LDB2: variants seen among roughly 807,000 people sequenced by gnomAD.
The protein encoded by LDB2 is LIM domain-binding protein 2.
Under a neutral mutation model 44.3 loss-of-function variants are expected in LDB2, and 12 were observed. The observed-to-expected ratio is 0.27, with a 90% CI of 0.17 to 0.44. The LOEUF (loss-of-function observed/expected upper bound fraction) is 0.44. LDB2 is among the 20% of genes least tolerant of loss of function. The pLI is 1.00. For missense variants in LDB2, 344 were observed against 473.5 expected, an observed-to-expected ratio of 0.73 and a Z score of 2.54; for synonymous variants, 164 against 174.8, an observed-to-expected ratio of 0.94 and a Z score of 0.49.
chr4:16,668,920 C>T, intron 2 of LDB2, among the ~76,000 whole-genome samples: 1 of 152,172 alleles, frequency 6.6e-6, no homozygotes, highest in Non-Finnish European at 1.5e-5. Context: ...AAAAGAGCTT[C>T]TCTTTTCCAA....
chr4:16,872,435 T>A (rs1716978485), intron 1 of LDB2, among the ~76,000 whole-genome samples: 1 of 152,212 alleles, frequency 6.6e-6, no homozygotes, highest in African/African-American at 2.4e-5. Context: ...AAATACTACT[T>A]AATGCTATGG....
intron 1 of LDB2, among the ~76,000 whole-genome samples, chr4:16,894,764 C>T (rs1219491153): frequency 6.6e-6 from 1 of 152,120 alleles, no homozygotes; most frequent in Non-Finnish European, 1.5e-5. Flanking sequence ...TTCAAATTCT[C>T]TCCTTTTGTC....
intron 2 of LDB2, among the ~76,000 whole-genome samples, chr4:16,734,818 C>A (rs1761538712): frequency 6.6e-6 from 1 of 151,604 alleles, no homozygotes. Context: ...AAGCGATTCT[C>A]CTGCCTCAGC....
chr4:16,517,841 A>G (rs1724376277), intron 5 of LDB2, among the ~76,000 whole-genome samples: 2 of 152,062 alleles, frequency 1.3e-5, no homozygotes. Context: ...ACCCTTTGGT[A>G]TGAAATTTTG....
intron 2 of LDB2, among the ~76,000 whole-genome samples, chr4:16,663,492 T>C (rs915018325): frequency 2.6e-5 from 4 of 152,198 alleles, no homozygotes; most frequent in African/African-American, 9.7e-5. Context: ...ATCAGTTTCA[T>C]AGATGTAAAT....
chr4:16,525,591 C>T (rs932867171), intron 5 of LDB2, among the ~76,000 whole-genome samples: 6 of 152,170 alleles, frequency 3.9e-5, no homozygotes, highest in Non-Finnish European at 8.8e-5. Flanking sequence ...CATTCAACAC[C>T]TACTTACTGA....
intron 2 of LDB2, among the ~76,000 whole-genome samples, chr4:16,690,472 A>AGGAG (rs1750378613): frequency 2.2e-5 from 1 of 44,700 alleles, no homozygotes; most frequent in Non-Finnish European, 4.2e-5. Context: ...GAAGGAAGGA[A>AGGAG]GGAAGGAAGG....
At chr4:16,655,222 G>A (rs1352419172) in intron 2 of LDB2, among the ~76,000 whole-genome samples, 1 of 152,192 alleles carries the variant, frequency 6.6e-6, no homozygotes, top group Non-Finnish European at 1.5e-5. Flanking sequence ...GGGGGACAGA[G>A]AGGCCAAGAG....
intron 1 of LDB2, among the ~76,000 whole-genome samples, chr4:16,845,012 G>A (rs755835815): frequency 1.3e-5 from 2 of 152,176 alleles, no homozygotes; most frequent in Non-Finnish European, 2.9e-5. Flanking sequence ...TGCCCACTGG[G>A]GGAAAGTTCA....
intron 2 of LDB2, among the ~76,000 whole-genome samples, chr4:16,659,584 GA>G (rs202030374): frequency 7.7e-4 from 110 of 142,470 alleles, no homozygotes; most frequent in Non-Finnish European, 1.2e-3. Flanking sequence ...ACTCCTAAAG[GA>G]AAAAAAATCT....
At chr4:16,627,967 A>T (rs1730765692) in intron 2 of LDB2, among the ~76,000 whole-genome samples, 1 of 152,186 alleles carries the variant, frequency 6.6e-6, no homozygotes, top group South Asian at 2.1e-4. Flanking sequence ...CATGGGGTTT[A>T]TGAGTCAAAT....
At chr4:16,661,761 G>T (rs779130215) in intron 2 of LDB2, among the ~76,000 whole-genome samples, 3 of 152,156 alleles carry the variant, frequency 2.0e-5, no homozygotes, top group Non-Finnish European at 4.4e-5. Context: ...AAAATCACAT[G>T]CAACTGAAGA....
chr4:16,751,300 G>A (rs745524199), intron 2 of LDB2, among the ~76,000 whole-genome samples: 8 of 152,148 alleles, frequency 5.3e-5, no homozygotes, highest in Admixed American at 3.3e-4. Flanking sequence ...TATCTGAAAC[G>A]TTAATTATAA....
chr4:16,557,433 A>T (rs1296998587), intron 5 of LDB2, among the ~76,000 whole-genome samples: 1 of 152,186 alleles, frequency 6.6e-6, no homozygotes, highest in Non-Finnish European at 1.5e-5. Flanking sequence ...GGAGGGTCCT[A>T]CGCCCACGGA....
Position 16,641,829 on chromosome 4 carries a change from C to T in LDB2, c.236-45954G>A, listed in dbSNP as rs540511345. ...GTACTTGAGAAGCAAAAAGGACACA[C>T]AGAGTCACATTGAAAACAAGGCAGA... On this transcript the variant is annotated intron_variant, in intron 2 of 7. Transcript: ENST00000304523. Among the ~76,000 whole-genome samples, 109 of 152,200 alleles carry T rather than the reference C, an allele frequency of 7.2e-4. 1 individual carries two copies. The highest frequency in any genetic ancestry group is 2.2e-3 in the African/African-American group (93 of 41,538).
intron 1 of LDB2, among the ~76,000 whole-genome samples, chr4:16,760,953 T>C (rs1350270689): frequency 1.3e-5 from 2 of 152,172 alleles, no homozygotes. Context: ...CTAATGACTT[T>C]ATGTGTATTT....
At chr4:16,743,694 T>G (rs922644828) in intron 2 of LDB2, among the ~76,000 whole-genome samples, 2 of 151,630 alleles carry the variant, frequency 1.3e-5, no homozygotes, top group African/African-American at 4.9e-5. Context: ...AGCCCCCAGT[T>G]AATAGCCAGA....
chr4:16,800,756 G>C (rs1161461731), intron 1 of LDB2, among the ~76,000 whole-genome samples: 3 of 152,136 alleles, frequency 2.0e-5, no homozygotes, highest in Non-Finnish European at 2.9e-5. Context: ...CTCACTGCCA[G>C]CTCCGCCTCC....
At chr4:16,775,751 T>C (rs190999596) in intron 1 of LDB2, among the ~76,000 whole-genome samples, 300 of 152,296 alleles carry the variant, frequency 2.0e-3, no homozygotes, top group Non-Finnish European at 3.0e-3. Flanking sequence ...GAAATGAGAC[T>C]GCAAACTCCT....
Sources: allele counts gnomAD v4.1 joint callset (sites outside exome capture counted in the v4.1 genomes callset), GRCh38; gene constraint gnomAD v4.1.1; transcripts MANE v1.5; gene names NCBI Gene and HGNC (gene_info 2026-07-23, HGNC 2026-07-21).